The following PTPRG variants were observed in gnomAD, a reference collection of about 807,000 sequenced individuals.
PTPRG encodes the protein receptor-type tyrosine-protein phosphatase gamma.
PTPRG carries 102 observed loss-of-function variants against 165.3 expected under a neutral mutation model. The observed-to-expected ratio is 0.62, with a 90% CI of 0.53 to 0.73. PTPRG has a LOEUF of 0.73. Ranked by LOEUF, PTPRG falls within the 30% of genes least tolerant of loss-of-function variation. The pLI is 0.00. For synonymous variants in PTPRG, 675 were observed against 669.5 expected, an observed-to-expected ratio of 1.01 and a Z score of -0.13; for missense variants, 1,866 against 1,861.4, an observed-to-expected ratio of 1.00 and a Z score of -0.05.
intron 1 of PTPRG, chr3:61,659,348 A>T: frequency 1.0e-6 from 1 of 985,252 alleles, no homozygotes; most frequent in Non-Finnish European, 1.2e-6. Context: ...TTCTTGTTCA[A>T]TTTTCGGGAG....
intron 2 of PTPRG, among the ~76,000 whole-genome samples, chr3:61,817,122 G>C (rs1350938944): frequency 2.4e-5 from 3 of 124,020 alleles, no homozygotes; most frequent in African/African-American, 6.2e-5. Context: ...TATTACATAT[G>C]TATTACACAT....
rs369505317 is a variant in PTPRG, at chr3:61,676,471, A to AAAAAAAAAAAAAAAAG, written c.86-72404_86-72403insAAAAAAAAAAAAGAAA. 5.6e-3 allele frequency among the ~76,000 whole-genome samples: 558 copies of AAAAAAAAAAAAAAAAG among 98,964 alleles called. 84 individuals are homozygous for AAAAAAAAAAAAAAAAG. The highest frequency in any genetic ancestry group is 0.019 in the Admixed American group (149 of 7,912). The allele number at this position is 98,964 out of a possible 152,430, so 64.9% of individuals were successfully genotyped here. The stretch of plus-strand genomic sequence containing the variant: ...GACTCCATCTCAAAAAAAAAAAAAA[A>AAAAAAAAAAAAAAAAG]AAAGAAAATTACTAAAGTCTGTGAA... On this transcript the variant is annotated intron_variant, in intron 1 of 29. Coordinates refer to ENST00000474889, the MANE Select transcript of PTPRG (RefSeq NM_002841.4).
chr3:62,266,358 G>C (rs1701875276), intron 17 of PTPRG, among the ~76,000 whole-genome samples: 1 of 151,984 alleles, frequency 6.6e-6, no homozygotes, highest in African/African-American at 2.4e-5. Context: ...CAACTTTCAA[G>C]GTATATGTGG....
rs558005232 is a variant in PTPRG, at chr3:61,714,520, C to T, written c.86-34358C>T. Among the ~76,000 whole-genome samples the T allele has an allele frequency of 5.3e-5, 8 of 152,278 alleles. No individual in the cohort carries two copies. The South Asian group carries it at 1.7e-3, about 32-fold the overall frequency. ...GAGCCACAAGATAGAAGCAGTCTGGCAGCTGTAGATACTCAGATGTACAGA... is the reference window on the plus strand; with the variant it reads ...GAGCCACAAGATAGAAGCAGTCTGGTAGCTGTAGATACTCAGATGTACAGA... On this transcript the variant is annotated intron_variant, in intron 1 of 29. Coordinates refer to ENST00000474889, the MANE Select transcript of PTPRG (RefSeq NM_002841.4).
At chr3:61,850,662 TCTC>T (rs976135732) in intron 2 of PTPRG, among the ~76,000 whole-genome samples, 4 of 152,324 alleles carry the variant, frequency 2.6e-5, no homozygotes, top group African/African-American at 7.2e-5. Context: ...TTTATTTGCT[TCTC>T]CTTTACTAGA....
chr3:61,657,693 T>G (rs1575569265), intron 1 of PTPRG, among the ~76,000 whole-genome samples: 1 of 152,316 alleles, frequency 6.6e-6, no homozygotes, highest in Non-Finnish European at 1.5e-5. Context: ...CAACTTTCTT[T>G]GCTCAAAATG....
chr3:61,933,792 A>G (rs2039419154), intron 2 of PTPRG, among the ~76,000 whole-genome samples: 1 of 152,148 alleles, frequency 6.6e-6, no homozygotes, highest in South Asian at 2.1e-4. Context: ...AATCAAACAG[A>G]TTTCTGCCTT....
At chr3:61,743,199 A>C in intron 1 of PTPRG, 1 of 716,482 alleles carries the variant, frequency 1.4e-6, no homozygotes, top group South Asian at 1.5e-5. Flanking sequence ...GGCTCAGTAG[A>C]AGTTCTGAGA....
chr3:62,103,448 G>A lies in PTPRG; in HGVS notation c.615+25190G>A, dbSNP rs569206169. On this transcript the variant is annotated intron_variant, in intron 5 of 29. Transcript: ENST00000474889. ...AAAATAAAAGTTATCCATCTCCAGC[G>A]CCTGGGATTCCGGTCTCACGGTTTT... 1.5e-4 allele frequency among the ~76,000 whole-genome samples: 23 copies of A among 152,274 alleles called. No individual in the cohort carries two copies. In the South Asian group the frequency reaches 3.1e-3, roughly 21 times the overall value.
intron 4 of PTPRG, among the ~76,000 whole-genome samples, chr3:62,055,534 T>G (rs1700604053): frequency 6.6e-6 from 1 of 152,194 alleles, no homozygotes; most frequent in Non-Finnish European, 1.5e-5. Context: ...TTCCCTGTAT[T>G]TATTTCCTAG....
At chr3:62,251,407 A>C (rs1350123417) in intron 15 of PTPRG, among the ~76,000 whole-genome samples, 1 of 151,960 alleles carries the variant, frequency 6.6e-6, no homozygotes, top group Admixed American at 6.6e-5. Flanking sequence ...TCAGCTACTC[A>C]GGAGGCTGAG....
At chr3:62,172,665 C>T (rs1705262802) in intron 8 of PTPRG, among the ~76,000 whole-genome samples, 1 of 152,118 alleles carries the variant, frequency 6.6e-6, no homozygotes, top group South Asian at 2.1e-4. Flanking sequence ...AGATTATTGA[C>T]CTTAGAGATG....
chr3:62,077,894 C>T (rs1271347420), intron 4 of PTPRG, among the ~76,000 whole-genome samples: 1 of 150,926 alleles, frequency 6.6e-6, no homozygotes, highest in African/African-American at 2.4e-5. Flanking sequence ...CCCAGCTATT[C>T]GGCTGAGGCA....
chr3:61,881,964 C>T (rs909762635), intron 2 of PTPRG, among the ~76,000 whole-genome samples: 4 of 152,180 alleles, frequency 2.6e-5, no homozygotes, highest in Admixed American at 6.5e-5. Context: ...TAACTAGACC[C>T]GTGTATAGCA....
chr3:61,794,812 G>A (rs1202667533), intron 2 of PTPRG, among the ~76,000 whole-genome samples: 3 of 151,914 alleles, frequency 2.0e-5, no homozygotes, highest in East Asian at 1.9e-4. Flanking sequence ...GGATAGAGTC[G>A]GTCTCCCACC....
intron 4 of PTPRG, among the ~76,000 whole-genome samples, chr3:62,072,607 ATATGTG>A (rs1182951620): frequency 1.8e-4 from 26 of 142,870 alleles, no homozygotes; most frequent in African/African-American, 7.4e-4. Context: ...TTGAGAATAT[ATATGTG>A]TATGTGTGTG....
chr3:61,814,849 A>G (rs1051495231), intron 2 of PTPRG, among the ~76,000 whole-genome samples: 8 of 151,754 alleles, frequency 5.3e-5, no homozygotes, highest in Non-Finnish European at 1.2e-4. Context: ...AGTGATTTGC[A>G]TACCTGGTAT....
intron 2 of PTPRG, among the ~76,000 whole-genome samples, chr3:61,839,356 A>C (rs1271131951): frequency 6.6e-6 from 1 of 152,236 alleles, no homozygotes; most frequent in Non-Finnish European, 1.5e-5. Context: ...ACAAGAGACT[A>C]TTCTATGATA....
chr3:61,770,365 C>T (rs993241811), intron 2 of PTPRG: 2 of 152,090 alleles, frequency 1.3e-5, no homozygotes, highest in Non-Finnish European at 1.5e-5. Flanking sequence ...TATTTCCTCA[C>T]GTGAAGAGCT....
Sources: allele counts gnomAD v4.1 joint callset (sites outside exome capture counted in the v4.1 genomes callset), GRCh38; gene constraint gnomAD v4.1.1; transcripts MANE v1.5; gene names NCBI Gene and HGNC (gene_info 2026-07-23, HGNC 2026-07-21).